Variants in PCDHGA8 observed in about 807,000 individuals in gnomAD.
PCDHGA8 encodes the protein protocadherin gamma-A8.
PCDHGA8 carries 45 observed loss-of-function variants against 59.2 expected under a neutral mutation model. That is an observed-to-expected ratio of 0.76 (90% CI 0.60 to 0.98). The LOEUF (loss-of-function observed/expected upper bound fraction) is 0.98. PCDHGA8 is among the 50% of genes least tolerant of loss of function. PCDHGA8 has a pLI of 0.00. For synonymous variants in PCDHGA8, 531 were observed against 519.0 expected, an observed-to-expected ratio of 1.02 and a Z score of -0.32; for missense variants, 1,257 against 1,196.2, an observed-to-expected ratio of 1.05 and a Z score of -0.75.
chr5:141,416,532 A>T (rs3806830), intron 1 of PCDHGA8: 1 of 152,142 alleles, frequency 6.6e-6, no homozygotes, highest in Non-Finnish European at 1.5e-5. Context: ...TCTTTAATGT[A>T]TAAGGAGGCA....
intron 1 of PCDHGA8, among the ~76,000 whole-genome samples, chr5:141,479,878 A>G (rs1033313584): frequency 2.0e-5 from 3 of 152,170 alleles, no homozygotes; most frequent in African/African-American, 7.2e-5. Context: ...AGAACCCTAT[A>G]CATACTCTCA....
chr5:141,419,395 G>T (rs374575981), intron 1 of PCDHGA8: 50 of 1,613,478 alleles, frequency 3.1e-5, no homozygotes, highest in Non-Finnish European at 4.0e-5. Flanking sequence ...CGCAGAGCGG[G>T]GTGGTGTTCG....
At position 141,512,346 on chromosome 5, in the gene PCDHGA8, G is replaced by A. The variant is rs1391003897; in HGVS notation, c.*1173G>A. ...CAGGCCATTCTTAGTCCCTGGGTTG[G>A]GGAGGCAGGGAGCTAGGGCAGGGAC... On this transcript the variant is annotated 3_prime_UTR_variant, in exon 4 of 4. Transcript: ENST00000398604. 6.5e-6 allele frequency: 1 copy of A among 152,876 alleles called. No individual in the cohort carries two copies. Among genetic ancestry groups the A allele is most frequent in the Non-Finnish European group, 1.5e-5 (1 of 68,232 alleles). 9.5% of individuals were successfully genotyped at this position (152,876 alleles called of 1,614,324 possible). A position where few individuals can be genotyped will look rare whatever the true frequency, so the allele number is the denominator to read the frequency against.
Position 141,490,440 on chromosome 5 carries a change from T to G in PCDHGA8, c.2425-4367T>G, listed in dbSNP as rs560525159. The G allele has an allele frequency of 6.2e-7, 1 of 1,614,206 alleles. No individual in the cohort carries two copies. The highest frequency in any genetic ancestry group is 1.7e-5 in the Admixed American group (1 of 60,026). On this transcript the variant is annotated intron_variant, in intron 1 of 3. Transcript: ENST00000398604. This position sits in a 1 kb window ranked among gnomAD's most constrained non-coding sequence, Gnocchi z 5.4. ...ACCTGCCATTTCAGATTAAGCCTTCTGAGAACCACTACTCGCTGCTAACCA... is the reference window on the plus strand; with the variant it reads ...ACCTGCCATTTCAGATTAAGCCTTCGGAGAACCACTACTCGCTGCTAACCA...
At chr5:141,421,388 G>T in intron 1 of PCDHGA8, 17 of 1,614,052 alleles carry the variant, frequency 1.1e-5, no homozygotes, top group Non-Finnish European at 1.4e-5. Flanking sequence ...AAGGACCTGG[G>T]GCTGGAGCCC....
chr5:141,441,813 A>T, intron 1 of PCDHGA8: 1 of 365,242 alleles, frequency 2.7e-6, no homozygotes, highest in South Asian at 2.3e-5. Context: ...GCTGTACCCC[A>T]GCTCTGGAGC....
At chr5:141,503,736 T>C (rs1381045077) in intron 2 of PCDHGA8, among the ~76,000 whole-genome samples, 4 of 152,202 alleles carry the variant, frequency 2.6e-5, no homozygotes, top group African/African-American at 9.6e-5. Context: ...TTTGTTGTGA[T>C]GGTATAGAGG....
intron 1 of PCDHGA8, chr5:141,433,325 C>CA: frequency 2.8e-6 from 2 of 726,266 alleles, no homozygotes; most frequent in Non-Finnish European, 4.5e-6. Context: ...TCCGGTGTAA[C>CA]AGGGACTACA....
At position 141,501,290 on chromosome 5, in the gene PCDHGA8, TACACACACACAC is replaced by T. The variant is rs55762287; in HGVS notation, c.2484-4070_2484-4059del. Among the ~76,000 whole-genome samples, 15 of 136,248 alleles carry T rather than the reference TACACACACACAC, an allele frequency of 1.1e-4. No homozygotes were observed. The South Asian group carries it at 1.2e-3, about 11-fold the overall frequency. The allele number at this position is 136,248 out of a possible 152,430, so 89.4% of individuals were successfully genotyped here. A position where few individuals can be genotyped will look rare whatever the true frequency, so the allele number is the denominator to read the frequency against. ...GTCCAGTCTATGGGATATTCCCTTA[TACACACACACAC>T]ACACACACACACACACACACACACA... On this transcript the variant is annotated intron_variant, in intron 2 of 3. Transcript: ENST00000398604.
chr5:141,429,395 A>T (rs545207705), intron 1 of PCDHGA8, among the ~76,000 whole-genome samples: 166 of 152,126 alleles, frequency 1.1e-3, no homozygotes, highest in African/African-American at 3.8e-3. Flanking sequence ...TTTAAAAAAA[A>T]TTGAGATTAA....
chr5:141,477,427 C>T lies in PCDHGA8; in HGVS notation c.2425-17380C>T. On this transcript the variant is annotated intron_variant, in intron 1 of 3. Coordinates refer to ENST00000398604, the MANE Select transcript of PCDHGA8 (RefSeq NM_032088.2). The surrounding 1 kb of genome is among the most constrained non-coding windows in gnomAD (Gnocchi z 4.9). ...CCCGAGACGCCGGAACCCCTTCCCT[C>T]TCAGCCCTTACAATAGTGCGTGTTC... The T allele has an allele frequency of 6.2e-7, 1 of 1,614,220 alleles. No homozygotes were observed. The highest frequency in any genetic ancestry group is 8.5e-7 in the Non-Finnish European group (1 of 1,180,046).
In PCDHGA8 at chr5:141,477,868, C is replaced by A; in HGVS notation, c.2425-16939C>A. The A allele has an allele frequency of 6.2e-7, 1 of 1,613,750 alleles. No homozygotes were observed. Among genetic ancestry groups the A allele is most frequent in the Non-Finnish European group, 8.5e-7 (1 of 1,179,908 alleles). ...CGGTGGAGATGCTGCCTCGAGGTAC[C>A]TCAGCTGGCCACCTAGTGTCACGGG... On this transcript the variant is annotated intron_variant, in intron 1 of 3. Coordinates refer to ENST00000398604, the MANE Select transcript of PCDHGA8 (RefSeq NM_032088.2). The surrounding 1 kb of genome is among the most constrained non-coding windows in gnomAD (Gnocchi z 4.9).
At chr5:141,397,626 C>G (rs539348100) in intron 1 of PCDHGA8, among the ~76,000 whole-genome samples, 27 of 152,256 alleles carry the variant, frequency 1.8e-4, no homozygotes, top group Middle Eastern at 3.4e-3. Context: ...TTAGTTCTAG[C>G]TAAGAGTTCA....
At chr5:141,475,282 G>C (rs942761003) in intron 1 of PCDHGA8, among the ~76,000 whole-genome samples, 2 of 152,150 alleles carry the variant, frequency 1.3e-5, no homozygotes, top group African/African-American at 4.8e-5. Context: ...TGAAAGACAG[G>C]GTAGGGAAAT....
intron 1 of PCDHGA8, chr5:141,427,753 T>A (rs745532152): frequency 4.5e-6 from 6 of 1,322,510 alleles, no homozygotes; most frequent in Non-Finnish European, 6.4e-6. Flanking sequence ...TACTCCATCG[T>A]TACCACTGAC....
rs1297208780 is a variant in PCDHGA8 at position 141,486,613 on chromosome 5, T to C, written c.2425-8194T>C. 2 of 1,613,658 alleles carry C rather than the reference T, an allele frequency of 1.2e-6. No individual in the cohort carries two copies. The highest frequency in any genetic ancestry group is 2.7e-5 in the African/African-American group (2 of 75,074). On this transcript the variant is annotated intron_variant, in intron 1 of 3. Coordinates refer to ENST00000398604, the MANE Select transcript of PCDHGA8 (RefSeq NM_032088.2). The surrounding 1 kb of genome is among the most constrained non-coding windows in gnomAD (Gnocchi z 5.0). ...ACCTGCTTTGCTCCCTTGCAGCCTC[T>C]GACCCAGACTCTGGCTTGAATGCGC...
chr5:141,487,530 T>C lies in PCDHGA8; in HGVS notation c.2425-7277T>C. The stretch of plus-strand genomic sequence containing the variant: ...GCACCCACTCGGAGTGATAGCTTCA[T>C]GATGGTGAAGTCACCCAGTGCACCT... On this transcript the variant is annotated intron_variant, in intron 1 of 3. Coordinates refer to ENST00000398604, the MANE Select transcript of PCDHGA8 (RefSeq NM_032088.2). This position sits in a 1 kb window ranked among gnomAD's most constrained non-coding sequence, Gnocchi z 5.0. The C allele has an allele frequency of 6.2e-7, 1 of 1,614,218 alleles. No individual in the cohort carries two copies. The highest frequency in any genetic ancestry group is 8.5e-7 in the Non-Finnish European group (1 of 1,180,040).
Position 141,476,757 on chromosome 5 carries a change from T to C in PCDHGA8, c.2425-18050T>C. On this transcript the variant is annotated intron_variant, in intron 1 of 3. Coordinates refer to ENST00000398604, the MANE Select transcript of PCDHGA8 (RefSeq NM_032088.2). This position sits in a 1 kb window ranked among gnomAD's most constrained non-coding sequence, Gnocchi z 7.6. ...CGGGAGCCTAGTCTCCAGTTAGTGC[T>C]GACGGCGTTGGACGGAGGGACCCCA... 1.2e-6 allele frequency: 2 copies of C among 1,613,906 alleles called. No individual in the cohort carries two copies. The highest frequency in any genetic ancestry group is 1.7e-6 in the Non-Finnish European group (2 of 1,180,004).
In PCDHGA8 at chr5:141,423,270, T is replaced by G. The variant is rs1304998648; in HGVS notation, c.2424+28033T>G. 3 of 1,613,686 alleles carry G rather than the reference T, an allele frequency of 1.9e-6. No homozygotes were observed. The African/African-American group carries it at 4.0e-5, about 22-fold the overall frequency. ...TGGCGGACCTCGGCAGCCTCGAGTC[T>G]CTGGCTAACTCTGAAACCTCAGACC... is the stretch of plus-strand genomic sequence containing the variant. On this transcript the variant is annotated intron_variant, in intron 1 of 3. Transcript: ENST00000398604.
Sources: allele counts gnomAD v4.1 joint callset (sites outside exome capture counted in the v4.1 genomes callset), GRCh38; gene constraint gnomAD v4.1.1; non-coding constraint Gnocchi (gnomAD v3.1); transcripts MANE v1.5; gene names NCBI Gene and HGNC (gene_info 2026-07-23, HGNC 2026-07-21).